AFG2A: variants seen among roughly 807,000 people sequenced by gnomAD.
The protein encoded by AFG2A is ATPase family gene 2 protein homolog A.
At chr4:123,306,789 T>C in the AFG2A span, among the ~76,000 whole-genome samples, 2 of 152,226 alleles carry the variant, frequency 1.3e-5, no homozygotes, top group Admixed American at 6.5e-5. Context: ...ATCCATTTTT[T>C]AGTCAAAACT....
chr4:123,042,992 T>C, the AFG2A span, among the ~76,000 whole-genome samples: 7 of 152,250 alleles, frequency 4.6e-5, no homozygotes. Flanking sequence ...TTTCTTTGTA[T>C]AGATCTAGGT....
the AFG2A span, among the ~76,000 whole-genome samples, chr4:122,990,005 C>T: frequency 1.3e-5 from 2 of 152,108 alleles, no homozygotes; most frequent in Non-Finnish European, 2.9e-5. Context: ...TACAGGTGTA[C>T]GCCACCACAC....
At chr4:123,272,052 A>G in the AFG2A span, among the ~76,000 whole-genome samples, 6 of 152,316 alleles carry the variant, frequency 3.9e-5, no homozygotes, top group South Asian at 2.1e-4. Flanking sequence ...AAAGACACCA[A>G]TGATCTTTCC....
chr4:123,049,312 G>GT, the AFG2A span, among the ~76,000 whole-genome samples: 11 of 151,800 alleles, frequency 7.2e-5, no homozygotes, highest in East Asian at 7.7e-4. Context: ...GATATTGATA[G>GT]TTTTTTTTAT....
At chr4:123,072,345 C>T in the AFG2A span, among the ~76,000 whole-genome samples, 5 of 152,118 alleles carry the variant, frequency 3.3e-5, no homozygotes, top group South Asian at 2.1e-4. Context: ...TACTTAATTT[C>T]GCCTCACAGC....
chr4:123,024,504 C>T, the AFG2A span, among the ~76,000 whole-genome samples: 1 of 152,180 alleles, frequency 6.6e-6, no homozygotes, highest in African/African-American at 2.4e-5. Context: ...CCCAGTTCCT[C>T]CTCGGAGTCT....
chr4:123,258,359 G>A, the AFG2A span, among the ~76,000 whole-genome samples: 25 of 151,776 alleles, frequency 1.6e-4, no homozygotes, highest in African/African-American at 5.8e-4. Context: ...TTTAGGAGAC[G>A]TTAAGTAATG....
the AFG2A span, among the ~76,000 whole-genome samples, chr4:123,228,142 C>G: frequency 6.6e-6 from 1 of 152,102 alleles, no homozygotes; most frequent in African/African-American, 2.4e-5. Context: ...TTCCTGAATA[C>G]AGCACACTGA....
the AFG2A span, among the ~76,000 whole-genome samples, chr4:123,243,417 A>G: frequency 2.0e-5 from 3 of 152,242 alleles, no homozygotes; most frequent in Non-Finnish European, 4.4e-5. Context: ...CTATGCAGCC[A>G]TAAAAAAGGA....
the AFG2A span, among the ~76,000 whole-genome samples, chr4:123,067,783 G>T: frequency 6.6e-6 from 1 of 152,002 alleles, no homozygotes; most frequent in African/African-American, 2.4e-5. Flanking sequence ...TAAAGATAGG[G>T]GTAAGCACAT....
the AFG2A span, among the ~76,000 whole-genome samples, chr4:123,218,721 T>C: frequency 6.6e-6 from 1 of 152,150 alleles, no homozygotes; most frequent in African/African-American, 2.4e-5. Flanking sequence ...TTTCTGCTGC[T>C]TTCAACTTAA....
chr4:123,208,079 C>CT, the AFG2A span, among the ~76,000 whole-genome samples: 3 of 152,124 alleles, frequency 2.0e-5, no homozygotes, highest in African/African-American at 7.2e-5. Flanking sequence ...TAAGAATAGA[C>CT]TATATGTAGA....
chr4:123,311,949 A>G, the AFG2A span, among the ~76,000 whole-genome samples: 6 of 152,180 alleles, frequency 3.9e-5, no homozygotes, highest in African/African-American at 1.4e-4. Flanking sequence ...CCATCTCGCC[A>G]TGTGAATCAA....
chr4:123,318,280 C>G, the AFG2A span: 10 of 152,172 alleles, frequency 6.6e-5, no homozygotes, highest in Non-Finnish European at 1.3e-4. Flanking sequence ...AGCTGACACT[C>G]TCATTACCTG....
the AFG2A span, among the ~76,000 whole-genome samples, chr4:123,165,945 CTATTCCA>C: frequency 6.6e-6 from 1 of 152,194 alleles, no homozygotes; most frequent in Non-Finnish European, 1.5e-5. Context: ...TATCTGCTCA[CTATTCCA>C]TTCACATAGC....
At chr4:123,268,946 AT>A in the AFG2A span, among the ~76,000 whole-genome samples, 1 of 152,190 alleles carries the variant, frequency 6.6e-6, no homozygotes, top group African/African-American at 2.4e-5. Flanking sequence ...ATTTGACTCT[AT>A]TTTTCAATTG....
the AFG2A span, among the ~76,000 whole-genome samples, chr4:123,237,523 A>C: frequency 6.6e-6 from 1 of 152,010 alleles, no homozygotes; most frequent in African/African-American, 2.4e-5. Flanking sequence ...AAGTACAAAA[A>C]TTAGCCAGGT....
the AFG2A span, among the ~76,000 whole-genome samples, chr4:122,946,900 T>C: frequency 3.3e-5 from 5 of 152,026 alleles, no homozygotes; most frequent in East Asian, 1.9e-4. Flanking sequence ...ATGGTACATA[T>C]TATATATATG....
chr4:123,248,292 C>T, the AFG2A span, among the ~76,000 whole-genome samples: 1 of 152,168 alleles, frequency 6.6e-6, no homozygotes, highest in African/African-American at 2.4e-5. Flanking sequence ...TGCATAGGCT[C>T]TCATGGATTT....
Sources: allele counts gnomAD v4.1 joint callset (sites outside exome capture counted in the v4.1 genomes callset), GRCh38; gene constraint gnomAD v4.1.1; transcripts MANE v1.5; gene names NCBI Gene and HGNC (gene_info 2026-07-23, HGNC 2026-07-21).